Variants in ZNF385D observed in about 807,000 individuals in gnomAD.
ZNF385D encodes zinc finger protein 659.
Under a neutral mutation model 35.8 loss-of-function variants are expected in ZNF385D, and 15 were observed. The ratio of observed to expected loss-of-function variants is 0.42; its 90% CI spans 0.28 to 0.64. ZNF385D has a LOEUF of 0.64. Ranked by LOEUF, ZNF385D falls within the 30% of genes least tolerant of loss-of-function variation. ZNF385D has a pLI of 0.23. For missense variants in ZNF385D, 474 were observed against 494.6 expected, an observed-to-expected ratio of 0.96 and a Z score of 0.39; for synonymous variants, 212 against 186.8, an observed-to-expected ratio of 1.13 and a Z score of -1.10.
chr3:22,065,993 T>C (rs1196794211), intron 3 of ZNF385D, among the ~76,000 whole-genome samples: 1 of 152,094 alleles, frequency 6.6e-6, no homozygotes, highest in Non-Finnish European at 1.5e-5. Flanking sequence ...GATTATTTAT[T>C]CCTGAAAGTG....
chr3:22,352,829 T>A (rs770248776), intron 2 of ZNF385D, among the ~76,000 whole-genome samples: 4 of 152,180 alleles, frequency 2.6e-5, no homozygotes, highest in African/African-American at 7.2e-5. Context: ...CAGGTTCCTA[T>A]CACATTTTAG....
At chr3:21,790,744 T>C (rs2071893337) in intron 3 of ZNF385D, among the ~76,000 whole-genome samples, 1 of 152,206 alleles carries the variant, frequency 6.6e-6, no homozygotes, top group Non-Finnish European at 1.5e-5. Context: ...GGTCTTTTTA[T>C]GTTTGACTTT....
chr3:22,039,958 A>C (rs904965107), intron 3 of ZNF385D, among the ~76,000 whole-genome samples: 1 of 152,166 alleles, frequency 6.6e-6, no homozygotes, highest in Non-Finnish European at 1.5e-5. Flanking sequence ...GATACCTAGC[A>C]GGAGATCAGA....
intron 2 of ZNF385D, among the ~76,000 whole-genome samples, chr3:22,228,148 C>T (rs1280868428): frequency 2.0e-5 from 3 of 152,082 alleles, no homozygotes; most frequent in Non-Finnish European, 4.4e-5. Flanking sequence ...GAGGAGATGG[C>T]AATTGGTGAG....
At chr3:21,590,477 A>G (rs1304312982) in intron 2 of ZNF385D, among the ~76,000 whole-genome samples, 2 of 152,160 alleles carry the variant, frequency 1.3e-5, no homozygotes, top group Non-Finnish European at 2.9e-5. Flanking sequence ...TACATCAAAT[A>G]TTTTATTGAA....
chr3:21,925,749 T>C (rs1700695503), intron 3 of ZNF385D, among the ~76,000 whole-genome samples: 1 of 152,044 alleles, frequency 6.6e-6, no homozygotes, highest in African/African-American at 2.4e-5. Flanking sequence ...GTATCTAGAA[T>C]ATATAGTCCA....
intron 2 of ZNF385D, among the ~76,000 whole-genome samples, chr3:22,281,993 G>A (rs1439466803): frequency 1.3e-5 from 2 of 151,944 alleles, no homozygotes; most frequent in Non-Finnish European, 2.9e-5. Context: ...ATATTTCCAG[G>A]AATTTATCCA....
intron 3 of ZNF385D, among the ~76,000 whole-genome samples, chr3:21,872,976 T>C (rs550479389): frequency 2.0e-5 from 3 of 152,266 alleles, no homozygotes; most frequent in African/African-American, 7.2e-5. Context: ...TACCACTATT[T>C]CGTGCCAGTC....
intron 3 of ZNF385D, among the ~76,000 whole-genome samples, chr3:21,763,168 G>C (rs1228210733): frequency 6.6e-6 from 1 of 152,136 alleles, no homozygotes; most frequent in Non-Finnish European, 1.5e-5. Context: ...TCTCTCCAGA[G>C]ACCTGTTGAT....
intron 3 of ZNF385D, among the ~76,000 whole-genome samples, chr3:22,156,143 A>G (rs1359787151): frequency 6.6e-6 from 1 of 152,142 alleles, no homozygotes; most frequent in African/African-American, 2.4e-5. Context: ...TTGTGCAATG[A>G]GTACTTATCA....
intron 3 of ZNF385D, among the ~76,000 whole-genome samples, chr3:22,049,460 C>A (rs1269406684): frequency 1.3e-5 from 2 of 151,630 alleles, no homozygotes; most frequent in Non-Finnish European, 1.5e-5. Context: ...TGAATAGAAA[C>A]AAGTGTACCC....
At chr3:21,587,804 A>G (rs1356009864) in intron 2 of ZNF385D, among the ~76,000 whole-genome samples, 1 of 152,150 alleles carries the variant, frequency 6.6e-6, no homozygotes, top group African/African-American at 2.4e-5. Context: ...CAGAGAAAAA[A>G]GATCCAACAA....
intron 2 of ZNF385D, among the ~76,000 whole-genome samples, chr3:22,286,473 CTT>C (rs986819601): frequency 2.6e-5 from 4 of 151,918 alleles, no homozygotes; most frequent in African/African-American, 7.2e-5. Context: ...TTTCCTAGTT[CTT>C]TGAGGTATAA....
chr3:21,465,188 AT>A lies in ZNF385D; in HGVS notation c.440-27986del, dbSNP rs535036769. Reference sequence around the variant, plus strand: ...CACTGTGCCCTTGAACACAGTGAAAATTTACATATTTTCACTTTTATTTTCA... The same window carrying A: ...CACTGTGCCCTTGAACACAGTGAAAATTACATATTTTCACTTTTATTTTCA... On this transcript the variant is annotated intron_variant, in intron 4 of 7. Coordinates refer to ENST00000281523, the MANE Select transcript of ZNF385D (RefSeq NM_024697.3). This position sits in a 1 kb window ranked among gnomAD's most constrained non-coding sequence, Gnocchi z 4.2. Among the ~76,000 whole-genome samples the A allele has an allele frequency of 7.8e-4, 118 of 152,196 alleles. No individual in the cohort carries two copies. Among genetic ancestry groups the A allele is most frequent in the African/African-American group, 2.7e-3 (111 of 41,510 alleles).
At chr3:21,932,819 A>G (rs1210711093) in intron 3 of ZNF385D, among the ~76,000 whole-genome samples, 1 of 152,114 alleles carries the variant, frequency 6.6e-6, no homozygotes, top group East Asian at 1.9e-4. Flanking sequence ...ATTTTTACAA[A>G]TATGCTTGTT....
chr3:22,166,386 T>G (rs565863863), intron 3 of ZNF385D, among the ~76,000 whole-genome samples: 1 of 152,314 alleles, frequency 6.6e-6, no homozygotes, highest in Admixed American at 6.5e-5. Context: ...TCTGTTTGAA[T>G]GAAGAAAGGC....
At chr3:22,121,038 A>G (rs543825387) in intron 3 of ZNF385D, among the ~76,000 whole-genome samples, 1 of 152,290 alleles carries the variant, frequency 6.6e-6, no homozygotes, top group African/African-American at 2.4e-5. Flanking sequence ...CTTTATATCT[A>G]AATTATTTTT....
chr3:22,148,239 A>C (rs1704988816), intron 3 of ZNF385D, among the ~76,000 whole-genome samples: 1 of 152,174 alleles, frequency 6.6e-6, no homozygotes, highest in Non-Finnish European at 1.5e-5. Flanking sequence ...TTAAGTACCA[A>C]TTTGCCAGAC....
chr3:22,264,134 C>A (rs62246554), intron 2 of ZNF385D, among the ~76,000 whole-genome samples: 2,057 of 152,020 alleles, frequency 0.014, 49 homozygotes, highest in South Asian at 0.092. Context: ...AAGAATTTAA[C>A]CATTATCCAA....
Sources: gnomAD v4.1 joint callset for allele counts (sites outside exome capture counted in the v4.1 genomes callset) on GRCh38, gnomAD v4.1.1 for gene constraint, Gnocchi (gnomAD v3.1) non-coding constraint, MANE v1.5 for transcripts, NCBI Gene and HGNC (gene_info 2026-07-23, HGNC 2026-07-21) for gene names.